STMN2: variants seen among roughly 807,000 people sequenced by gnomAD.
STMN2 encodes the protein stathmin-2.
A neutral mutation model predicts 24.1 loss-of-function variants in STMN2; 2 were observed. The observed-to-expected ratio is 0.08, with a 90% CI of 0.03 to 0.26. The LOEUF (loss-of-function observed/expected upper bound fraction) is 0.26. Among genes scored for constraint, STMN2 ranks in the 10% least tolerant of loss-of-function variants. The probability of loss-of-function intolerance (pLI) is 1.00; values close to 1 mark genes in which losing one functional copy is unlikely to be tolerated. For missense variants in STMN2, 114 were observed against 213.6 expected (o/e 0.53, Z 2.91); for synonymous variants, 83 against 77.5 (o/e 1.07, Z -0.37).
At chr8:79,630,438 G>A (rs900585906) in intron 1 of STMN2, among the ~76,000 whole-genome samples, 8 of 152,094 alleles carry the variant, frequency 5.3e-5, no homozygotes, top group African/African-American at 1.4e-4. Flanking sequence ...TTTATTTTCT[G>A]GAGAAAAGCC....
chr8:79,620,578 T>C (rs776436529), intron 1 of STMN2, among the ~76,000 whole-genome samples: 3 of 152,178 alleles, frequency 2.0e-5, no homozygotes, highest in Non-Finnish European at 4.4e-5. Context: ...ATAGTAATAA[T>C]GGTAATTTAT....
At chr8:79,643,109 C>A (rs1810140747) in intron 3 of STMN2, among the ~76,000 whole-genome samples, 1 of 143,328 alleles carries the variant, frequency 7.0e-6, no homozygotes, top group African/African-American at 2.6e-5. Flanking sequence ...TATATATACA[C>A]CATGATTATA....
chr8:79,625,874 G>T (rs960978641), intron 1 of STMN2, among the ~76,000 whole-genome samples: 3 of 152,090 alleles, frequency 2.0e-5, no homozygotes, highest in African/African-American at 7.2e-5. Context: ...AGGGAGAATC[G>T]CTTGAACCCA....
chr8:79,622,010 G>A (rs575879145), intron 1 of STMN2, among the ~76,000 whole-genome samples: 5 of 152,270 alleles, frequency 3.3e-5, no homozygotes, highest in African/African-American at 1.2e-4. Flanking sequence ...TCAAACGAAT[G>A]TAAAATCCTA....
At chr8:79,649,271 G>A (rs1810283436) in intron 3 of STMN2, among the ~76,000 whole-genome samples, 1 of 151,466 alleles carries the variant, frequency 6.6e-6, no homozygotes, top group Non-Finnish European at 1.5e-5. Flanking sequence ...TGGCACGTGG[G>A]CCACAGAATC....
rs1806572136 is a variant in STMN2, at chr8:79,664,971, T to A, written c.*97T>A. The A allele has an allele frequency of 1.9e-6, 2 of 1,076,130 alleles. No individual in the cohort carries two copies. Among genetic ancestry groups the A allele is most frequent in the Non-Finnish European group, 1.2e-6 (1 of 807,250 alleles). The allele number at this position is 1,076,130 out of a possible 1,614,324, so 66.7% of individuals were successfully genotyped here. On this transcript the variant is annotated 3_prime_UTR_variant, in exon 5 of 5. Transcript: ENST00000220876. ...TCAGGATGGGGAATGTATGACATGG[T>A]TTAAAAAGAACTCATTATAAAAAAA...
chr8:79,630,877 C>T (rs1809783428), intron 1 of STMN2, among the ~76,000 whole-genome samples: 1 of 148,610 alleles, frequency 6.7e-6, no homozygotes, highest in African/African-American at 2.5e-5. Context: ...TTACTACCTG[C>T]TAGTATTTAG....
chr8:79,643,623 A>G (rs966828043), intron 3 of STMN2, among the ~76,000 whole-genome samples: 14 of 152,136 alleles, frequency 9.2e-5, no homozygotes, highest in South Asian at 2.1e-4. Flanking sequence ...TATTGAGGAT[A>G]AAAAAAGAAC....
chr8:79,653,051 T>C (rs569575539), intron 3 of STMN2, among the ~76,000 whole-genome samples: 5 of 152,252 alleles, frequency 3.3e-5, no homozygotes, highest in South Asian at 2.1e-4. Context: ...CTGAAACCAA[T>C]ACAAAGTAAG....
At chr8:79,663,778 T>C in intron 4 of STMN2, 1 of 774,454 alleles carries the variant, frequency 1.3e-6, no homozygotes. Context: ...TTGATTTTAG[T>C]CATCTGATGT....
At chr8:79,634,461 G>A (rs1809892051) in intron 1 of STMN2, among the ~76,000 whole-genome samples, 2 of 152,214 alleles carry the variant, frequency 1.3e-5, no homozygotes, top group African/African-American at 4.8e-5. Context: ...AAGCTAAATA[G>A]TGAGGGGATT....
intron 1 of STMN2, among the ~76,000 whole-genome samples, chr8:79,634,036 ATTTTT>A (rs369334396): frequency 3.1e-4 from 47 of 152,238 alleles, no homozygotes; most frequent in African/African-American, 1.0e-3. Context: ...CTTTTATTTT[ATTTTT>A]ATGTTTGGAT....
At chr8:79,624,060 A>G (rs559655877) in intron 1 of STMN2, among the ~76,000 whole-genome samples, 7 of 152,294 alleles carry the variant, frequency 4.6e-5, no homozygotes, top group East Asian at 3.9e-4. Flanking sequence ...ATCAGATTCC[A>G]TTTGTTGAAA....
At chr8:79,622,278 A>G (rs568636051) in intron 1 of STMN2, among the ~76,000 whole-genome samples, 1 of 152,316 alleles carries the variant, frequency 6.6e-6, no homozygotes. Flanking sequence ...ATTGATTGTT[A>G]AGCATTTGGT....
At chr8:79,652,304 T>A (rs1394505046) in intron 3 of STMN2, among the ~76,000 whole-genome samples, 1 of 152,152 alleles carries the variant, frequency 6.6e-6, no homozygotes, top group Non-Finnish European at 1.5e-5. Context: ...CCTTCTTCCT[T>A]GAGAAGGTTT....
At chr8:79,663,251 C>T (rs529303961) in intron 4 of STMN2, among the ~76,000 whole-genome samples, 7 of 152,244 alleles carry the variant, frequency 4.6e-5, no homozygotes, top group African/African-American at 1.7e-4. Context: ...CCTCACTCAA[C>T]ATTGAAATTG....
At chr8:79,613,839 G>A (rs1322931836) in intron 1 of STMN2, 3 of 984,914 alleles carry the variant, frequency 3.0e-6, no homozygotes, top group South Asian at 4.7e-5. Flanking sequence ...GTATGTTCAT[G>A]TGGCTAAGAT....
intron 3 of STMN2, among the ~76,000 whole-genome samples, chr8:79,643,551 T>G (rs1270678649): frequency 6.6e-6 from 1 of 152,028 alleles, no homozygotes; most frequent in African/African-American, 2.4e-5. Context: ...AAACCACAAT[T>G]CAACATCCTG....
intron 3 of STMN2, among the ~76,000 whole-genome samples, chr8:79,648,590 G>T (rs1810267976): frequency 6.7e-6 from 1 of 149,054 alleles, no homozygotes; most frequent in Non-Finnish European, 1.5e-5. Flanking sequence ...AGTCTCCCAA[G>T]TAGCTGGGAT....
Sources: gnomAD v4.1 joint callset for allele counts (sites outside exome capture counted in the v4.1 genomes callset) on GRCh38, gnomAD v4.1.1 for gene constraint, MANE v1.5 for transcripts, NCBI Gene and HGNC (gene_info 2026-07-23, HGNC 2026-07-21) for gene names.